MRGPRX4: variants seen among roughly 807,000 people sequenced by gnomAD.
The protein encoded by MRGPRX4 is MAS related GPR family member X4, also known as mas-related G protein-coupled receptor member X4.
In MRGPRX4, 13 loss-of-function variants were observed where a neutral mutation model predicts 17.8. The observed-to-expected ratio is 0.73, with a 90% CI of 0.48 to 1.16. The LOEUF (loss-of-function observed/expected upper bound fraction) is 1.16, where lower values mean the gene tolerates loss of function less well. MRGPRX4 is among the 50% of genes most tolerant of loss of function. MRGPRX4 has a pLI of 0.00. For synonymous variants in MRGPRX4, 192 were observed against 175.3 expected (o/e 1.10, Z -0.75); for missense variants, 399 against 405.0 (o/e 0.99, Z 0.13).
rs752126412 is a variant in MRGPRX4 at position 18,173,792 on chromosome 11, T to C, written c.536T>C (p.Ile179Thr). 1 of 1,614,158 alleles carries C rather than the reference T, an allele frequency of 6.2e-7. No homozygotes were observed. The highest frequency in any genetic ancestry group is 1.1e-5 in the South Asian group (1 of 91,064). The change falls in exon 1 of 1, where the codon ATC (isoleucine) becomes ACC (threonine). Residue 179 changes from isoleucine (I) to threonine (T), a missense_variant. By Grantham distance (89) the Ile-to-Thr change is moderately conservative. Transcript: ENST00000314254. ...DSSWCETSDF[I>T]PVAWLIFLCV... ...AGTTGGTGTGAAACGTCAGATTTCA[T>C]CCCAGTCGCGTGGCTGATTTTTTTA...
In MRGPRX4 at chr11:18,173,902, G is replaced by A. The variant is rs748102743; in HGVS notation, c.646G>A (p.Val216Met). 5.6e-6 allele frequency: 9 copies of A among 1,614,026 alleles called. No individual in the cohort carries two copies. The highest frequency in any genetic ancestry group is 1.3e-5 in the African/African-American group (1 of 74,930). ...SRKMPLTRLY[V>M]TILLTVLVFL... ...GAAGATGCCGCTGACCAGGCTGTAC[G>A]TGACCATCCTGCTCACAGTGCTGGT... Residue 216 changes from valine (V) to methionine (M), a missense_variant, in exon 1 of 1, where the codon GTG becomes ATG. Coordinates refer to ENST00000314254, the MANE Select transcript of MRGPRX4 (RefSeq NM_054032.3).
chr11:18,174,273 T>A lies in MRGPRX4; in HGVS notation c.*48T>A, dbSNP rs1288428893. The stretch of plus-strand genomic sequence containing the variant: ...TCAGACGGGACTTTGAGAGCAACAC[T>A]GTCCTGCCACCCTTGACAATTACAT... On this transcript the variant is annotated 3_prime_UTR_variant, in exon 1 of 1. Coordinates refer to ENST00000314254, the MANE Select transcript of MRGPRX4 (RefSeq NM_054032.3). The A allele has an allele frequency of 6.4e-7, 1 of 1,556,628 alleles. No individual in the cohort carries two copies. The highest frequency in any genetic ancestry group is 2.3e-5 in the East Asian group (1 of 44,318).
chr11:18,173,161 C>A lies in MRGPRX4; in HGVS notation c.-96C>A. On this transcript the variant is annotated 5_prime_UTR_variant, in exon 1 of 1. Transcript: ENST00000314254. ...TCTTCTTTAAATGAGGACAGTAAAT[C>A]CCATACGGCAGGGTGGTGGGGAGAA... 4 of 1,450,228 alleles carry A rather than the reference C, an allele frequency of 2.8e-6. No individual in the cohort carries two copies. The highest frequency in any genetic ancestry group is 3.7e-6 in the Non-Finnish European group (4 of 1,074,248). The allele number at this position is 1,450,228 out of a possible 1,614,324, so 89.8% of individuals were successfully genotyped here.
the MRGPRX4 span, chr11:18,173,990 AT>A: frequency 6.2e-7 from 1 of 1,614,130 alleles, no homozygotes; most frequent in Non-Finnish European, 8.5e-7. Flanking sequence ...ATGCACCTGA[AT>A]TTGGAAGTCT....
At position 18,173,101 on chromosome 11, in the gene MRGPRX4, G is replaced by A; in HGVS notation, c.-156G>A. 6.8e-6 allele frequency: 7 copies of A among 1,035,556 alleles called. No individual in the cohort carries two copies. The highest frequency in any genetic ancestry group is 9.9e-6 in the Non-Finnish European group (7 of 707,606). The allele number at this position is 1,035,556 out of a possible 1,614,324, so 64.1% of individuals were successfully genotyped here. ...CTGGATTTGAGGACCCCCACCTTTG[G>A]TAAGTGACTTATTATCTGCGAGCCT... On this transcript the variant is annotated 5_prime_UTR_variant, in exon 1 of 1. It introduces an in-frame stop codon into an upstream open reading frame of the 5' UTR. Coordinates refer to ENST00000314254, the MANE Select transcript of MRGPRX4 (RefSeq NM_054032.3).
rs747123218 is a variant in MRGPRX4 at position 18,173,654 on chromosome 11, G to T, written c.398G>T (p.Arg133Leu). 3 of 1,614,134 alleles carry T rather than the reference G, an allele frequency of 1.9e-6. No homozygotes were observed. The highest frequency in any genetic ancestry group is 2.5e-6 in the Non-Finnish European group (3 of 1,180,036). ...CTGTGGCCCATCTGGTACCGCTGCCGCCGCCCCACACACCTGTCAGCGGTC... is the reference window on the plus strand; with the variant it reads ...CTGTGGCCCATCTGGTACCGCTGCCTCCGCCCCACACACCTGTCAGCGGTC... ...SVLWPIWYRC[R>L]RPTHLSAVVC... The change falls in exon 1 of 1, where the codon CGC becomes CTC. Residue 133 changes from arginine (R) to leucine (L), a missense_variant. Physicochemically the swap from Arg to Leu is moderately radical, Grantham distance 102 (BLOSUM62 -2). Coordinates refer to ENST00000314254, the MANE Select transcript of MRGPRX4 (RefSeq NM_054032.3).
Position 18,174,004 on chromosome 11 carries a change from T to C in MRGPRX4, c.748T>C (p.Tyr250His). The C allele has an allele frequency of 1.2e-6, 2 of 1,614,226 alleles. No individual in the cohort carries two copies. Among genetic ancestry groups the C allele is most frequent in the Middle Eastern group, 1.6e-4 (1 of 6,062 alleles). ...GATGCACCTGAATTTGGAAGTCTTA[T>C]ATTGTCATGTTTATCTGGTTTGCAT... The part of the protein sequence containing the change: ...YRMHLNLEVL[Y>H]CHVYLVCMSL... The change falls in exon 1 of 1, where the codon TAT becomes CAT. Residue 250 changes from tyrosine (Y) to histidine (H), a missense_variant. Transcript: ENST00000314254.
chr11:18,173,292 G>C lies in MRGPRX4; in HGVS notation c.36G>C (p.Leu12=). 1 of 1,612,242 alleles carries C rather than the reference G, an allele frequency of 6.2e-7. No homozygotes were observed. The highest frequency in any genetic ancestry group is 1.3e-5 in the African/African-American group (1 of 74,966). ...CCGTCCCAGTCTTCGGTACAAAACT[G>C]ACACCAATCAACGGACGTGAGGAGA... ...DPTVPVFGTK[L]TPINGREETP... is the part of the protein sequence containing the mutation. Residue 12 remains leucine (L), a synonymous_variant, in exon 1 of 1, where the codon CTG becomes CTC. Transcript: ENST00000314254.
chr11:18,173,872 T>C lies in MRGPRX4; in HGVS notation c.616T>C (p.Ser206Pro). Residue 206 changes from serine to proline, a missense_variant, in exon 1 of 1, where the codon TCC becomes CCC. Ser to Pro is a moderately conservative substitution (Grantham distance 74). Coordinates refer to ENST00000314254, the MANE Select transcript of MRGPRX4 (RefSeq NM_054032.3). Reference sequence around the variant, plus strand: ...CCTGCTGGTCAGGATCCTCTGTGGATCCCGGAAGATGCCGCTGACCAGGCT... The same window carrying C: ...CCTGCTGGTCAGGATCCTCTGTGGACCCCGGAAGATGCCGCTGACCAGGCT... ...LVLLVRILCG[S>P]RKMPLTRLYV... 6.2e-7 allele frequency: 1 copy of C among 1,614,158 alleles called. No individual in the cohort carries two copies. The highest frequency in any genetic ancestry group is 8.5e-7 in the Non-Finnish European group (1 of 1,180,010).
chr11:18,173,972 T>G lies in MRGPRX4; in HGVS notation c.716T>G (p.Ile239Ser). 6.2e-7 allele frequency: 1 copy of G among 1,614,228 alleles called. No homozygotes were observed. Among genetic ancestry groups the G allele is most frequent in the East Asian group, 2.2e-5 (1 of 44,888 alleles). The change falls in exon 1 of 1, where the codon ATT becomes AGT. Residue 239 changes from isoleucine (I) to serine (S), a missense_variant. Transcript: ENST00000314254. ...GLPFGILGALIYRMHLNLEVL... is the reference protein window; with the variant it reads ...GLPFGILGALSYRMHLNLEVL... ...CCCTTCGGCATTCTGGGGGCCCTAA[T>G]TTACAGGATGCACCTGAATTTGGAA...
Position 18,173,122 on chromosome 11 carries a change from A to T in MRGPRX4, c.-135A>T. 1.6e-6 allele frequency: 2 copies of T among 1,213,046 alleles called. No homozygotes were observed. The highest frequency in any genetic ancestry group is 2.3e-6 in the Non-Finnish European group (2 of 864,340). The allele number at this position is 1,213,046 out of a possible 1,614,324, so 75.1% of individuals were successfully genotyped here. On this transcript the variant is annotated 5_prime_UTR_variant, in exon 1 of 1. Transcript: ENST00000314254. ...TTTGGTAAGTGACTTATTATCTGCG[A>T]GCCTCTGTTTCTCTCTTCTTTAAAT...
In MRGPRX4 at chr11:18,173,227, C is replaced by T. The variant is rs1273099979; in HGVS notation, c.-30C>T. On this transcript the variant is annotated 5_prime_UTR_variant, in exon 1 of 1. Transcript: ENST00000314254. ...CTGGTGATCACATCTGGTTTGTGTT[C>T]CCAGGGGCACCAGACTAGGGTTTCT... 3 of 1,563,346 alleles carry T rather than the reference C, an allele frequency of 1.9e-6. No individual in the cohort carries two copies. The highest frequency in any genetic ancestry group is 2.6e-6 in the Non-Finnish European group (3 of 1,154,286).
Position 18,174,277 on chromosome 11 carries a change from C to T in MRGPRX4, c.*52C>T, listed in dbSNP as rs778353157. The stretch of plus-strand genomic sequence containing the variant: ...ACGGGACTTTGAGAGCAACACTGTC[C>T]TGCCACCCTTGACAATTACATGCGT... On this transcript the variant is annotated 3_prime_UTR_variant, in exon 1 of 1. Coordinates refer to ENST00000314254, the MANE Select transcript of MRGPRX4 (RefSeq NM_054032.3). 1.9e-6 allele frequency: 3 copies of T among 1,550,066 alleles called. No homozygotes were observed. Among genetic ancestry groups the T allele is most frequent in the East Asian group, 2.3e-5 (1 of 44,258 alleles).
the MRGPRX4 span, chr11:18,173,805 GC>G: frequency 6.2e-7 from 1 of 1,614,120 alleles, no homozygotes; most frequent in Non-Finnish European, 8.5e-7. Flanking sequence ...CAGTCGCGTG[GC>G]TGATTTTTTT....
At position 18,173,375 on chromosome 11, in the gene MRGPRX4, T is replaced by G; in HGVS notation, c.119T>G (p.Val40Gly). The G allele has an allele frequency of 1.2e-6, 2 of 1,614,148 alleles. No homozygotes were observed. The highest frequency in any genetic ancestry group is 1.7e-6 in the Non-Finnish European group (2 of 1,180,020). The change falls in exon 1 of 1, where the codon GTC (valine) becomes GGC (glycine). Residue 40 changes from valine (V) to glycine (G), a missense_variant. Val to Gly is a moderately radical substitution (Grantham distance 109). Transcript: ENST00000314254. ...FTVLTCIISLVGLTGNAVVLW... is the reference protein window; with the variant it reads ...FTVLTCIISLGGLTGNAVVLW... The stretch of plus-strand genomic sequence containing the variant: ...GTGCTGACGTGCATCATTTCCCTTG[T>G]CGGACTGACAGGAAACGCGGTTGTG...
chr11:18,173,055 CA>C lies in MRGPRX4; in HGVS notation c.-200del. The C allele has an allele frequency of 1.5e-6, 1 of 649,886 alleles. No homozygotes were observed. The highest frequency in any genetic ancestry group is 2.6e-6 in the Non-Finnish European group (1 of 380,060). The allele number at this position is 649,886 out of a possible 1,614,324, so 40.3% of individuals were successfully genotyped here. A position where few individuals can be genotyped will look rare whatever the true frequency, so the allele number is the denominator to read the frequency against. Reference sequence around the variant, plus strand: ...GTAGAGAGATGTCAGGCTTCAGAGTCAACAAGAACTGGATTTCAAACTGGAT... The same window carrying C: ...GTAGAGAGATGTCAGGCTTCAGAGTCACAAGAACTGGATTTCAAACTGGAT... On this transcript the variant is annotated 5_prime_UTR_variant, in exon 1 of 1. It removes the in-frame stop codon of an upstream open reading frame in the 5' UTR. Coordinates refer to ENST00000314254, the MANE Select transcript of MRGPRX4 (RefSeq NM_054032.3).
rs1260705716 is a variant in MRGPRX4, at chr11:18,174,102, A to G, written c.846A>G (p.Gln282=). The G allele has an allele frequency of 6.2e-7, 1 of 1,614,186 alleles. No homozygotes were observed. The highest frequency in any genetic ancestry group is 8.5e-7 in the Non-Finnish European group (1 of 1,180,040). The stretch of plus-strand genomic sequence containing the variant: ...TCGTGGGCTCCTTTAGGCAGCGTCA[A>G]AATAGGCAGAACCTGAAGCTGGTTC... ...YFFVGSFRQR[Q]NRQNLKLVLQ... Residue 282 remains glutamine (Q), a synonymous_variant, in exon 1 of 1, where the codon CAA becomes CAG. Coordinates refer to ENST00000314254, the MANE Select transcript of MRGPRX4 (RefSeq NM_054032.3).
At position 18,172,990 on chromosome 11, in the gene MRGPRX4, C is replaced by T; in HGVS notation, c.-267C>T. The T allele has an allele frequency of 4.5e-6, 2 of 446,676 alleles. No homozygotes were observed. Among genetic ancestry groups the T allele is most frequent in the South Asian group, 4.3e-5 (1 of 23,292 alleles). The allele number at this position is 446,676 out of a possible 1,614,324, so 27.7% of individuals were successfully genotyped here. On this transcript the variant is annotated 5_prime_UTR_variant, in exon 1 of 1. Transcript: ENST00000314254. ...GCCGGATGAGTGGGGGTGTTTTGAT[C>T]CTAATGTTATTCCCATGTCAGCACA... is the stretch of plus-strand genomic sequence containing the variant.
At position 18,173,215 on chromosome 11, in the gene MRGPRX4, C is replaced by G. The variant is rs761987848; in HGVS notation, c.-42C>G. ...GAGATGATACAGCTGGTGATCACAT[C>G]TGGTTTGTGTTCCCAGGGGCACCAG... On this transcript the variant is annotated 5_prime_UTR_variant, in exon 1 of 1. The change creates a new upstream start codon in the 5' untranslated region. Coordinates refer to ENST00000314254, the MANE Select transcript of MRGPRX4 (RefSeq NM_054032.3). 1.1e-5 allele frequency: 17 copies of G among 1,556,260 alleles called. No individual in the cohort carries two copies. Among genetic ancestry groups the G allele is most frequent in the Non-Finnish European group, 2.6e-6 (3 of 1,150,972 alleles).
Sources: allele counts gnomAD v4.1 joint callset, GRCh38; gene constraint gnomAD v4.1.1; transcripts MANE v1.5; gene names NCBI Gene and HGNC (gene_info 2026-07-23, HGNC 2026-07-21).